FAM184B: variants seen among roughly 807,000 people sequenced by gnomAD.
FAM184B encodes the protein family with sequence similarity 184 member B, also known as protein FAM184B.
In FAM184B, 111 loss-of-function variants were observed where a neutral mutation model predicts 135.9. That is an observed-to-expected ratio of 0.82 (90% CI 0.70 to 0.96). FAM184B has a LOEUF of 0.96. Among genes scored for constraint, FAM184B ranks in the 40% least tolerant of loss-of-function variants. FAM184B has a pLI of 0.00. For synonymous variants in FAM184B, 552 were observed against 524.8 expected (o/e 1.05, Z -0.71); for missense variants, 1,375 against 1,323.9 (o/e 1.04, Z -0.60).
At position 17,709,090 on chromosome 4, in the gene FAM184B, G is replaced by A; in HGVS notation, c.696C>T (p.Ile232=). 1 of 1,549,762 alleles carries A rather than the reference G, an allele frequency of 6.5e-7. No homozygotes were observed. The highest frequency in any genetic ancestry group is 8.7e-7 in the Non-Finnish European group (1 of 1,146,968). ...QATYERENEA[I]RQAMQQSVSQ... is the part of the protein sequence containing the mutation. The stretch of plus-strand genomic sequence containing the variant: ...TCACCGACTGCTGCATGGCCTGCCG[G>A]ATGGCCTCGTTTTCCCTCTCGTAGG... The change falls in exon 2 of 18, where the codon ATC becomes ATT. Residue 232 remains isoleucine (I), a synonymous_variant. Transcript: ENST00000265018.
At chr4:17,698,981 A>T (rs1360828211) in intron 5 of FAM184B, among the ~76,000 whole-genome samples, 1 of 152,156 alleles carries the variant, frequency 6.6e-6, no homozygotes, top group East Asian at 1.9e-4. Flanking sequence ...AGTGACAGAG[A>T]TGACAATGTT....
In FAM184B at chr4:17,681,852, G is replaced by T. The variant is rs1320764908; in HGVS notation, c.1596+6572C>A. Among the ~76,000 whole-genome samples, 5 of 152,128 alleles carry T rather than the reference G, an allele frequency of 3.3e-5. No individual in the cohort carries two copies. The East Asian group carries it at 9.6e-4, about 29-fold the overall frequency. ...GATGTCCGCAGATGTCATTCTTCTGGAATAGTTTCCTGGACTTCCCTGGAC... is the reference window on the plus strand; with the variant it reads ...GATGTCCGCAGATGTCATTCTTCTGTAATAGTTTCCTGGACTTCCCTGGAC... On this transcript the variant is annotated intron_variant, in intron 7 of 17. Coordinates refer to ENST00000265018, the MANE Select transcript of FAM184B (RefSeq NM_015688.2).
Position 17,629,526 on chromosome 4 carries a change from C to T in FAM184B, c.*3006G>A, listed in dbSNP as rs772621280. On this transcript the variant is annotated 3_prime_UTR_variant, in exon 18 of 18. Transcript: ENST00000265018. ...ATTTTTACCTACCCCAATTACAAAA[C>T]AGTTTGCTTTCATGTGGAACAGATA... The T allele has an allele frequency of 2.6e-5, 4 of 152,214 alleles. No individual in the cohort carries two copies. Among genetic ancestry groups the T allele is most frequent in the Non-Finnish European group, 4.4e-5 (3 of 68,042 alleles). 9.4% of individuals were successfully genotyped at this position (152,214 alleles called of 1,614,324 possible). A position where few individuals can be genotyped will look rare whatever the true frequency, so the allele number is the denominator to read the frequency against.
At chr4:17,636,003 A>G (rs536863065) in intron 15 of FAM184B, among the ~76,000 whole-genome samples, 56 of 151,862 alleles carry the variant, frequency 3.7e-4, no homozygotes, top group African/African-American at 1.3e-3. Context: ...AACCAATATT[A>G]ACATGGGGCA....
At chr4:17,765,018 A>C (rs867345710) in intron 1 of FAM184B, among the ~76,000 whole-genome samples, 1 of 152,302 alleles carries the variant, frequency 6.6e-6, no homozygotes, top group African/African-American at 2.4e-5. Flanking sequence ...GTGAGCTATA[A>C]TCATACCACT....
chr4:17,744,268 G>T (rs1718107764), intron 1 of FAM184B, among the ~76,000 whole-genome samples: 1 of 152,058 alleles, frequency 6.6e-6, no homozygotes, highest in Non-Finnish European at 1.5e-5. Context: ...CTGAATAACT[G>T]GGAGAAGGTG....
In FAM184B at chr4:17,632,412, C is replaced by A; in HGVS notation, c.*120G>T. The stretch of plus-strand genomic sequence containing the variant: ...GTGTTAACGCCAAAATTTGTTTTAG[C>A]TATCATATATAAATCATAAGCATAT... On this transcript the variant is annotated 3_prime_UTR_variant, in exon 18 of 18. Coordinates refer to ENST00000265018, the MANE Select transcript of FAM184B (RefSeq NM_015688.2). The A allele has an allele frequency of 1.2e-6, 1 of 834,948 alleles. No individual in the cohort carries two copies. The highest frequency in any genetic ancestry group is 1.8e-6 in the Non-Finnish European group (1 of 547,580). The allele number at this position is 834,948 out of a possible 1,614,324, so 51.7% of individuals were successfully genotyped here. A position where few individuals can be genotyped will look rare whatever the true frequency, so the allele number is the denominator to read the frequency against.
chr4:17,681,558 C>T (rs1716434172), intron 7 of FAM184B, among the ~76,000 whole-genome samples: 1 of 152,230 alleles, frequency 6.6e-6, no homozygotes, highest in African/African-American at 2.4e-5. Context: ...CAGGATGTCA[C>T]AGTTGTTTAA....
Position 17,709,480 on chromosome 4 carries a change from C to G in FAM184B, c.306G>C (p.Gln102His), listed in dbSNP as rs1222560035. The change falls in exon 2 of 18, where the codon CAG (glutamine) becomes CAC (histidine). Residue 102 changes from glutamine to histidine, a missense_variant. Gln to His is a conservative substitution (Grantham distance 24). Transcript: ENST00000265018. ...GCAGCTCCAGGGCGCTCTCCAGGGC[C>G]TGGATGCGCTGTAGAAGGGCTTCCT... ...AEEEALLQRI[Q>H]ALESALELQK... 1 of 1,546,520 alleles carries G rather than the reference C, an allele frequency of 6.5e-7. No individual in the cohort carries two copies. Among genetic ancestry groups the G allele is most frequent in the Non-Finnish European group, 8.7e-7 (1 of 1,144,286 alleles).
chr4:17,726,432 C>T (rs748187022), intron 1 of FAM184B, among the ~76,000 whole-genome samples: 14 of 152,074 alleles, frequency 9.2e-5, no homozygotes, highest in East Asian at 1.9e-4. Context: ...AGTGCCATGG[C>T]GTGATCTCAG....
intron 1 of FAM184B, among the ~76,000 whole-genome samples, chr4:17,740,061 AT>A (rs1717997427): frequency 6.6e-6 from 1 of 152,092 alleles, no homozygotes; most frequent in Non-Finnish European, 1.5e-5. Context: ...TCATAAAAAA[AT>A]GTCTGGCAGC....
intron 1 of FAM184B, among the ~76,000 whole-genome samples, chr4:17,731,737 T>C (rs1156949282): frequency 6.6e-6 from 1 of 152,190 alleles, no homozygotes; most frequent in African/African-American, 2.4e-5. Context: ...TGGGAGACTT[T>C]AACACCCCAC....
intron 7 of FAM184B, among the ~76,000 whole-genome samples, chr4:17,670,159 C>T (rs190435729): frequency 3.1e-4 from 47 of 152,058 alleles, no homozygotes; most frequent in South Asian, 6.2e-4. Flanking sequence ...TACACTTAGA[C>T]GGAAATTTAT....
At chr4:17,635,453 C>T (rs1715096452) in intron 15 of FAM184B, among the ~76,000 whole-genome samples, 1 of 152,132 alleles carries the variant, frequency 6.6e-6, no homozygotes, top group East Asian at 1.9e-4. Context: ...CGCCTTTCTT[C>T]CTCTGTCTTG....
rs183786478 is a variant in FAM184B at position 17,635,707 on chromosome 4, A to C, written c.2785-594T>G. On this transcript the variant is annotated intron_variant, in intron 15 of 17. Coordinates refer to ENST00000265018, the MANE Select transcript of FAM184B (RefSeq NM_015688.2). ...AAAAAAACCCATGATACCTTTGTTC[A>C]CACGTAGCAAATGAGCAATAATTCC... 2.0e-5 allele frequency among the ~76,000 whole-genome samples: 3 copies of C among 151,458 alleles called. No individual in the cohort carries two copies. In the East Asian group the frequency reaches 5.8e-4, roughly 29 times the overall value.
chr4:17,659,686 A>G (rs147702335), intron 9 of FAM184B, among the ~76,000 whole-genome samples: 210 of 152,144 alleles, frequency 1.4e-3, no homozygotes, highest in African/African-American at 4.8e-3. Flanking sequence ...GGGTTTCACC[A>G]TGTTGGCCAG....
chr4:17,734,441 G>C (rs891515554), intron 1 of FAM184B, among the ~76,000 whole-genome samples: 15 of 151,942 alleles, frequency 9.9e-5, no homozygotes, highest in Non-Finnish European at 1.9e-4. Flanking sequence ...ATCTGACAAA[G>C]GCCTAATATC....
intron 11 of FAM184B, 72 bp from the exon 12 acceptor site, chr4:17,647,863 C>A: frequency 7.5e-6 from 11 of 1,468,832 alleles, no homozygotes; most frequent in Non-Finnish European, 9.1e-6. Context: ...GGACAACAGT[C>A]TCTGGGGTGG....
chr4:17,710,514 A>C (rs1479916846), intron 1 of FAM184B, among the ~76,000 whole-genome samples: 3 of 152,174 alleles, frequency 2.0e-5, no homozygotes, highest in African/African-American at 7.2e-5. Flanking sequence ...GATAAAAAAC[A>C]CTCAACAAGC....
Sources: gnomAD v4.1 joint callset for allele counts (sites outside exome capture counted in the v4.1 genomes callset) on GRCh38, gnomAD v4.1.1 for gene constraint, MANE v1.5 for transcripts, NCBI Gene and HGNC (gene_info 2026-07-23, HGNC 2026-07-21) for gene names.